Variants in ASIC2 observed in about 807,000 individuals in gnomAD.
ASIC2 encodes the protein acid-sensing ion channel 2.
A neutral mutation model predicts 57.3 loss-of-function variants in ASIC2; 25 were observed. The observed-to-expected ratio is 0.44, with a 90% CI of 0.32 to 0.61. The LOEUF is 0.61. Ranked by LOEUF, ASIC2 falls within the 20% of genes least tolerant of loss-of-function variation. ASIC2 has a pLI of 0.06. For synonymous variants in ASIC2, 319 were observed against 307.5 expected, an observed-to-expected ratio of 1.04 and a Z score of -0.39; for missense variants, 641 against 738.1, an observed-to-expected ratio of 0.87 and a Z score of 1.52.
chr17:33,851,357 G>A (rs1326610903), intron 1 of ASIC2, among the ~76,000 whole-genome samples: 1 of 152,126 alleles, frequency 6.6e-6, no homozygotes, highest in Non-Finnish European at 1.5e-5. Context: ...TGGGGGCAAT[G>A]ATGGGGGAGT....
chr17:34,087,597 A>T (rs1910159091), intron 1 of ASIC2, among the ~76,000 whole-genome samples: 2 of 152,070 alleles, frequency 1.3e-5, no homozygotes, highest in Non-Finnish European at 2.9e-5. Flanking sequence ...GCCTTGCTAG[A>T]TTGGGGAAGT....
At chr17:33,658,823 C>A (rs1907157153) in intron 1 of ASIC2, among the ~76,000 whole-genome samples, 1 of 151,996 alleles carries the variant, frequency 6.6e-6, no homozygotes, top group African/African-American at 2.4e-5. Context: ...CAGTGAAAAC[C>A]CACCTCTACC....
chr17:33,666,463 G>A (rs1049824058), intron 1 of ASIC2, among the ~76,000 whole-genome samples: 2 of 152,194 alleles, frequency 1.3e-5, no homozygotes, highest in East Asian at 1.9e-4. Flanking sequence ...TACTGTGAGA[G>A]CCAAGAGGCT....
At chr17:33,707,018 C>T (rs2043001754) in intron 1 of ASIC2, among the ~76,000 whole-genome samples, 1 of 152,162 alleles carries the variant, frequency 6.6e-6, no homozygotes, top group Non-Finnish European at 1.5e-5. Context: ...TATTGCATAT[C>T]TTTATCTTGA....
intron 1 of ASIC2, among the ~76,000 whole-genome samples, chr17:33,946,526 G>C (rs1234109076): frequency 6.6e-6 from 1 of 152,222 alleles, no homozygotes; most frequent in African/African-American, 2.4e-5. Flanking sequence ...TTAACAATCA[G>C]TGAATATCCT....
intron 1 of ASIC2, among the ~76,000 whole-genome samples, chr17:33,602,313 T>A (rs1181558685): frequency 6.6e-6 from 1 of 152,206 alleles, no homozygotes; most frequent in Non-Finnish European, 1.5e-5. Context: ...TGTTGAGAGA[T>A]GGGACTTTTA....
intron 1 of ASIC2, among the ~76,000 whole-genome samples, chr17:34,113,598 C>G (rs1346739312): frequency 1.3e-5 from 2 of 151,234 alleles, no homozygotes; most frequent in Admixed American, 1.3e-4. Context: ...GAAAATTAAG[C>G]CAGGCGTGGT....
intron 1 of ASIC2, among the ~76,000 whole-genome samples, chr17:33,559,750 C>A (rs929915369): frequency 6.6e-6 from 1 of 152,154 alleles, no homozygotes; most frequent in Non-Finnish European, 1.5e-5. Flanking sequence ...TTGAAGATGA[C>A]ATGTAAGGGA....
intron 1 of ASIC2, among the ~76,000 whole-genome samples, chr17:33,869,664 A>G (rs1914337884): frequency 6.6e-6 from 1 of 152,266 alleles, no homozygotes; most frequent in African/African-American, 2.4e-5. Flanking sequence ...TTATGATTCC[A>G]TTTATATAAA....
At chr17:33,475,249 A>G (rs1411145688) in intron 1 of ASIC2, among the ~76,000 whole-genome samples, 2 of 151,770 alleles carry the variant, frequency 1.3e-5, no homozygotes, top group Non-Finnish European at 2.9e-5. Context: ...CCCACCCCCC[A>G]GTATTTAACA....
intron 1 of ASIC2, among the ~76,000 whole-genome samples, chr17:33,869,633 A>G (rs1914337115): frequency 6.6e-6 from 1 of 152,236 alleles, no homozygotes; most frequent in Admixed American, 6.5e-5. Flanking sequence ...AAAAGAACAA[A>G]GTTAGAAAAG....
intron 1 of ASIC2, among the ~76,000 whole-genome samples, chr17:33,582,520 C>T (rs774928176): frequency 6.6e-6 from 1 of 152,096 alleles, no homozygotes; most frequent in African/African-American, 2.4e-5. Context: ...GGGCAAGTTA[C>T]CTAACTTCTC....
chr17:34,130,402 G>A (rs1911916966), intron 1 of ASIC2, among the ~76,000 whole-genome samples: 1 of 152,200 alleles, frequency 6.6e-6, no homozygotes, highest in Non-Finnish European at 1.5e-5. Flanking sequence ...CCGTATAAAT[G>A]GGGATATGGG....
At chr17:33,959,152 C>G (rs781106474) in intron 1 of ASIC2, among the ~76,000 whole-genome samples, 19 of 152,302 alleles carry the variant, frequency 1.2e-4, no homozygotes, top group Admixed American at 9.2e-4. Context: ...CAAACTTTCC[C>G]ACATTTTCAT....
intron 3 of ASIC2, among the ~76,000 whole-genome samples, chr17:33,085,913 G>A (rs887820500): frequency 2.6e-5 from 4 of 152,172 alleles, no homozygotes; most frequent in Non-Finnish European, 4.4e-5. Context: ...ACTGTAAAAT[G>A]TTTAACAAAT....
At chr17:34,016,286 C>T (rs1028345759) in intron 1 of ASIC2, among the ~76,000 whole-genome samples, 28 of 151,712 alleles carry the variant, frequency 1.8e-4, no homozygotes, top group African/African-American at 5.3e-4. Flanking sequence ...TGGCCAGGCG[C>T]GGTGGTGGGC....
At chr17:33,040,226 A>G (rs1052145176) in intron 3 of ASIC2, among the ~76,000 whole-genome samples, 1 of 152,220 alleles carries the variant, frequency 6.6e-6, no homozygotes, top group Non-Finnish European at 1.5e-5. Context: ...CCACCTGGCC[A>G]TGCCTTTGCA....
intron 1 of ASIC2, among the ~76,000 whole-genome samples, chr17:33,952,693 G>T (rs1385582851): frequency 6.6e-6 from 1 of 152,068 alleles, no homozygotes; most frequent in Admixed American, 6.6e-5. Flanking sequence ...TGATCAAATT[G>T]CACTCCCTAG....
At chr17:33,687,867 G>A (rs950465357) in intron 1 of ASIC2, among the ~76,000 whole-genome samples, 6 of 152,136 alleles carry the variant, frequency 3.9e-5, no homozygotes, top group East Asian at 3.9e-4. Context: ...GAAGCCATCC[G>A]CTATTTGGCT....
Sources: allele counts gnomAD v4.1 joint callset (sites outside exome capture counted in the v4.1 genomes callset), GRCh38; gene constraint gnomAD v4.1.1; transcripts MANE v1.5; gene names NCBI Gene and HGNC (gene_info 2026-07-23, HGNC 2026-07-21).